Variants in DOCK5 observed in about 807,000 individuals in gnomAD.
DOCK5 encodes dedicator of cytokinesis 5, also known as dedicator of cytokinesis protein 5.
In DOCK5, 142 loss-of-function variants were observed where a neutral mutation model predicts 251.8. The observed-to-expected ratio is 0.56, with a 90% confidence interval of 0.49 to 0.65. DOCK5 has a LOEUF of 0.65. Among genes scored for constraint, DOCK5 ranks in the 30% least tolerant of loss-of-function variants. The pLI is 0.00. For synonymous variants in DOCK5, 842 were observed against 835.5 expected (o/e 1.01, Z -0.13); for missense variants, 2,111 against 2,312.3 (o/e 0.91, Z 1.79).
rs1275244962 is a variant in DOCK5, at chr8:25,265,455, CA to C, written c.128-3389del. On this transcript the variant is annotated intron_variant, in intron 2 of 51. Transcript: ENST00000276440. ...GTTTCTGTCTGGAAGTTTCTTTGCC[CA>C]GATCTGTTAATGGCTCATTCCTTTT... Among the ~76,000 whole-genome samples the C allele has an allele frequency of 1.6e-4, 25 of 151,904 alleles. 1 individual carries two copies. The highest frequency in any genetic ancestry group is 6.1e-4 in the African/African-American group (25 of 41,200).
At chr8:25,273,534 C>T (rs1363840724) in intron 3 of DOCK5, among the ~76,000 whole-genome samples, 6 of 152,182 alleles carry the variant, frequency 3.9e-5, no homozygotes, top group African/African-American at 7.2e-5. Flanking sequence ...GCCCGGAGGG[C>T]GGAGGTTGCA....
intron 35 of DOCK5, 93 bp from the exon 36 acceptor site, chr8:25,373,525 A>G (rs1224479964): frequency 1.6e-6 from 2 of 1,224,628 alleles, no homozygotes; most frequent in Non-Finnish European, 2.3e-6. Flanking sequence ...GAAAAGTGAA[A>G]CTTTTGAAAA....
chr8:25,205,359 C>T (rs539498839), intron 1 of DOCK5, among the ~76,000 whole-genome samples: 58 of 152,250 alleles, frequency 3.8e-4, no homozygotes, highest in African/African-American at 5.8e-4. Flanking sequence ...GAGCCCTCAC[C>T]GGAAACTGAC....
chr8:25,271,329 CA>C (rs1563332896), intron 3 of DOCK5: 3 of 152,402 alleles, frequency 2.0e-5, no homozygotes, highest in Non-Finnish European at 4.4e-5. Flanking sequence ...AAGGGACATG[CA>C]TTTATTTGAT....
intron 1 of DOCK5, among the ~76,000 whole-genome samples, chr8:25,226,223 T>C (rs147774429): frequency 4.8e-4 from 73 of 151,592 alleles, no homozygotes; most frequent in African/African-American, 1.7e-3. Context: ...ACACTAGTCT[T>C]AATGCTTATA....
At chr8:25,390,065 C>T in intron 41 of DOCK5, 141 bp from the exon 42 acceptor site, 2 of 545,896 alleles carry the variant, frequency 3.7e-6, no homozygotes, top group Non-Finnish European at 3.1e-6. Context: ...CTCCCATTTT[C>T]AGTGTGGTCC....
intron 1 of DOCK5, among the ~76,000 whole-genome samples, chr8:25,228,003 G>A (rs12677606): frequency 1.3e-5 from 2 of 152,032 alleles, no homozygotes; most frequent in Non-Finnish European, 2.9e-5. Context: ...TCCCACCTCA[G>A]CCTCCTGAGT....
intron 30 of DOCK5, among the ~76,000 whole-genome samples, chr8:25,366,312 G>A (rs1211539248): frequency 2.0e-5 from 3 of 152,148 alleles, no homozygotes; most frequent in East Asian, 1.9e-4. Context: ...CCAACATGGC[G>A]AAACTCCATC....
intron 12 of DOCK5, among the ~76,000 whole-genome samples, chr8:25,309,774 T>C (rs1805041002): frequency 6.6e-6 from 1 of 151,964 alleles, no homozygotes; most frequent in Admixed American, 6.6e-5. Flanking sequence ...TGAGCCGAGG[T>C]GATGCCACTG....
chr8:25,251,706 G>A (rs774091182), intron 2 of DOCK5, among the ~76,000 whole-genome samples: 9 of 152,108 alleles, frequency 5.9e-5, no homozygotes, highest in African/African-American at 9.7e-5. Flanking sequence ...AGAAGAGAGT[G>A]GGCTGGGTGC....
intron 4 of DOCK5, among the ~76,000 whole-genome samples, chr8:25,277,800 C>G (rs1020800796): frequency 1.4e-4 from 21 of 152,312 alleles, no homozygotes; most frequent in African/African-American, 4.8e-4. Flanking sequence ...TCATGGGTCA[C>G]ACTTATTCTA....
At chr8:25,199,628 C>G (rs1413808579) in intron 1 of DOCK5, among the ~76,000 whole-genome samples, 1 of 152,176 alleles carries the variant, frequency 6.6e-6, no homozygotes, top group African/African-American at 2.4e-5. Flanking sequence ...GGTGATCCTC[C>G]CGCCTTGGCC....
At chr8:25,333,813 G>A (rs971326849) in intron 20 of DOCK5, among the ~76,000 whole-genome samples, 1 of 152,068 alleles carries the variant, frequency 6.6e-6, no homozygotes, top group Non-Finnish European at 1.5e-5. Flanking sequence ...CCTGGGCATC[G>A]ACTCCCCTGT....
chr8:25,332,965 T>A (rs1805715915), intron 20 of DOCK5, among the ~76,000 whole-genome samples: 1 of 152,224 alleles, frequency 6.6e-6, no homozygotes, highest in African/African-American at 2.4e-5. Context: ...AAATCAGGAA[T>A]CATTTTAACT....
chr8:25,189,548 A>G (rs1801523072), intron 1 of DOCK5, among the ~76,000 whole-genome samples: 1 of 152,140 alleles, frequency 6.6e-6, no homozygotes, highest in East Asian at 1.9e-4. Flanking sequence ...TTTTGTAGGG[A>G]TGGAGTTTCA....
At chr8:25,398,752 G>C (rs910638652) in intron 45 of DOCK5, among the ~76,000 whole-genome samples, 2 of 152,094 alleles carry the variant, frequency 1.3e-5, no homozygotes, top group Non-Finnish European at 2.9e-5. Flanking sequence ...CAGTCATATG[G>C]GCTTAAGGGC....
chr8:25,322,540 C>T (rs1805452093), intron 16 of DOCK5, among the ~76,000 whole-genome samples: 1 of 152,120 alleles, frequency 6.6e-6, no homozygotes, highest in Non-Finnish European at 1.5e-5. Context: ...AAATATCAGC[C>T]ATTTCATATG....
At chr8:25,206,403 C>T (rs1411093877) in intron 1 of DOCK5, among the ~76,000 whole-genome samples, 1 of 152,160 alleles carries the variant, frequency 6.6e-6, no homozygotes, top group East Asian at 1.9e-4. Context: ...TCACCAATAT[C>T]TGTGGTGTAA....
intron 16 of DOCK5, among the ~76,000 whole-genome samples, chr8:25,322,797 G>C (rs538694028): frequency 2.6e-5 from 4 of 152,196 alleles, no homozygotes; most frequent in Non-Finnish European, 4.4e-5. Flanking sequence ...TCTGATTCTA[G>C]CTGGGCTGGA....
Sources: gnomAD v4.1 joint callset for allele counts (sites outside exome capture counted in the v4.1 genomes callset) on GRCh38, gnomAD v4.1.1 for gene constraint, MANE v1.5 for transcripts, NCBI Gene and HGNC (gene_info 2026-07-23, HGNC 2026-07-21) for gene names.